Variants in ANXA7 observed in about 807,000 individuals in gnomAD.
The protein encoded by ANXA7 is annexin VII.
ANXA7 carries 55 observed loss-of-function variants against 64.9 expected under a neutral mutation model. The observed-to-expected ratio is 0.85, with a 90% CI of 0.68 to 1.06. The LOEUF (loss-of-function observed/expected upper bound fraction) is 1.06, where lower values mean the gene tolerates loss of function less well. Among genes scored for constraint, ANXA7 ranks in the 50% least tolerant of loss-of-function variants. The probability of loss-of-function intolerance (pLI) is 0.00; values close to 1 mark genes in which losing one functional copy is unlikely to be tolerated. For missense variants in ANXA7, 548 were observed against 582.1 expected, an observed-to-expected ratio of 0.94 and a Z score of 0.60; for synonymous variants, 200 against 192.4, an observed-to-expected ratio of 1.04 and a Z score of -0.33.
chr10:73,377,773 G>GGTGTGTGT lies in ANXA7; in HGVS notation c.1278+1130_1278+1137dup, dbSNP rs368036663. On this transcript the variant is annotated intron_variant, in intron 12 of 12. Coordinates refer to ENST00000372921, the MANE Select transcript of ANXA7 (RefSeq NM_001156.5). ...ACTACCATGCCGGGGGGTGGGTGTG[G>GGTGTGTGT]GTGTGTGTGTGTGTGTGTGTGTGTG... is the stretch of plus-strand genomic sequence containing the variant. Among the ~76,000 whole-genome samples the GGTGTGTGT allele has an allele frequency of 2.2e-3, 273 of 124,848 alleles. 3 individuals are homozygous for GGTGTGTGT. Among genetic ancestry groups the GGTGTGTGT allele is most frequent in the African/African-American group, 8.3e-3 (259 of 31,120 alleles). The allele number at this position is 124,848 out of a possible 152,430, so 81.9% of individuals were successfully genotyped here.
chr10:73,376,550 T>C (rs1026009598), intron 12 of ANXA7, among the ~76,000 whole-genome samples: 5 of 152,320 alleles, frequency 3.3e-5, no homozygotes, highest in Non-Finnish European at 7.3e-5. Context: ...GGAACACTTG[T>C]ACACAGGTTG....
intron 9 of ANXA7, among the ~76,000 whole-genome samples, chr10:73,380,583 A>T (rs1020429895): frequency 3.3e-5 from 5 of 152,206 alleles, no homozygotes; most frequent in African/African-American, 1.2e-4. Flanking sequence ...CTAAAGAGAT[A>T]ATTTATTAAA....
intron 7 of ANXA7, 119 bp from the exon 8 acceptor site, chr10:73,383,809 C>T: frequency 1.4e-6 from 1 of 715,710 alleles, no homozygotes; most frequent in Admixed American, 2.5e-5. Flanking sequence ...AATTTGAAAG[C>T]TGAATGTTAA....
At chr10:73,413,838 C>T (rs1411431583) in intron 1 of ANXA7, among the ~76,000 whole-genome samples, 174 bp downstream of exon 1, 1 of 152,212 alleles carries the variant, frequency 6.6e-6, no homozygotes, top group Non-Finnish European at 1.5e-5. Context: ...CCCAACACAC[C>T]CCGGCCGGCA....
intron 9 of ANXA7, among the ~76,000 whole-genome samples, chr10:73,380,545 A>T (rs1396955423): frequency 1.3e-5 from 2 of 152,092 alleles, no homozygotes; most frequent in African/African-American, 4.8e-5. Flanking sequence ...AAGTGCTGGG[A>T]TTATAGATGT....
At chr10:73,377,295 T>C (rs1187988865) in intron 12 of ANXA7, 5 of 151,880 alleles carry the variant, frequency 3.3e-5, no homozygotes, top group Admixed American at 6.6e-5. Flanking sequence ...TTTGGCCGGG[T>C]GTGGTGGCTC....
chr10:73,394,095 C>A (rs963366608), intron 5 of ANXA7, among the ~76,000 whole-genome samples: 8 of 152,028 alleles, frequency 5.3e-5, no homozygotes, highest in African/African-American at 1.7e-4. Flanking sequence ...ATGCAGCCAA[C>A]AGACACATGA....
chr10:73,402,176 T>C (rs144457777), intron 1 of ANXA7, among the ~76,000 whole-genome samples: 1 of 152,116 alleles, frequency 6.6e-6, no homozygotes, highest in African/African-American at 2.4e-5. Flanking sequence ...GATTAAACCC[T>C]AGCTTTCTTT....
Position 73,397,279 on chromosome 10 carries a change from A to G in ANXA7, c.260-5T>C. 6.3e-7 allele frequency: 1 copy of G among 1,584,954 alleles called. No individual in the cohort carries two copies. Among genetic ancestry groups the G allele is most frequent in the South Asian group, 1.1e-5 (1 of 89,494 alleles). Reference sequence around the variant, plus strand: ...CAAATCCTTGGCCTGGAGGAACTAGAGAAAAGAACATGTCAATAAACTATA... The same window carrying G: ...CAAATCCTTGGCCTGGAGGAACTAGGGAAAAGAACATGTCAATAAACTATA... On this transcript the variant is annotated splice_region_variant and splice_polypyrimidine_tract_variant and intron_variant, in intron 3 of 12. Transcript: ENST00000372921.
chr10:73,407,809 T>G (rs768956389), intron 1 of ANXA7, among the ~76,000 whole-genome samples: 1 of 152,144 alleles, frequency 6.6e-6, no homozygotes, highest in African/African-American at 2.4e-5. Context: ...GCTAAAAATG[T>G]GCTGAATTGA....
At chr10:73,392,826 A>G (rs562232337) in intron 5 of ANXA7, among the ~76,000 whole-genome samples, 1 of 152,300 alleles carries the variant, frequency 6.6e-6, no homozygotes, top group African/African-American at 2.4e-5. Flanking sequence ...ACTCCTATTC[A>G]ACATAGTGTT....
rs564652420 is a variant in ANXA7, at chr10:73,398,060, T to C, written c.259+121A>G. On this transcript the variant is annotated intron_variant, in intron 3 of 12. Transcript: ENST00000372921. ...TCTTGCCAGCTAGGTCCTTACTACC[T>C]AAGGTTACCTAAGAGCGACTTGACC... is the stretch of plus-strand genomic sequence containing the variant. The C allele has an allele frequency of 1.3e-5, 13 of 985,124 alleles. No homozygotes were observed. In the South Asian group the frequency reaches 2.3e-4, roughly 17 times the overall value. The allele number at this position is 985,124 out of a possible 1,614,324, so 61.0% of individuals were successfully genotyped here. A position where few individuals can be genotyped will look rare whatever the true frequency, so the allele number is the denominator to read the frequency against.
intron 1 of ANXA7, among the ~76,000 whole-genome samples, chr10:73,401,169 G>T (rs1229054154): frequency 6.6e-6 from 1 of 152,094 alleles, no homozygotes; most frequent in East Asian, 1.9e-4. Flanking sequence ...CTCCCAAAGT[G>T]CTGGGATTAC....
In ANXA7 at chr10:73,380,046, C is replaced by T; in HGVS notation, c.1074G>A (p.Met358Ile). 6.2e-7 allele frequency: 1 copy of T among 1,614,014 alleles called. No homozygotes were observed. The highest frequency in any genetic ancestry group is 8.5e-7 in the Non-Finnish European group (1 of 1,179,992). Residue 358 changes from methionine (M) to isoleucine (I), a missense_variant, in exon 10 of 13, where the codon ATG becomes ATA. Transcript: ENST00000372921. ...TRSFPQLRATMEAYSRMANRD... is the reference protein window; with the variant it reads ...TRSFPQLRATIEAYSRMANRD... ...AAGCTCATACCCTAGAATAAGCCTC[C>T]ATGGTAGCTCTCAGCTGAGGAAAGC...
intron 1 of ANXA7, among the ~76,000 whole-genome samples, chr10:73,402,567 T>G (rs2055683919): frequency 6.6e-6 from 1 of 152,220 alleles, no homozygotes; most frequent in Non-Finnish European, 1.5e-5. Context: ...TAGGTCCATT[T>G]GTTTCATTTT....
chr10:73,395,680 G>C (rs1245497341), intron 5 of ANXA7, among the ~76,000 whole-genome samples: 1 of 152,022 alleles, frequency 6.6e-6, no homozygotes, highest in Non-Finnish European at 1.5e-5. Flanking sequence ...CAGTTACTCC[G>C]GAGGCTGAGG....
chr10:73,393,676 A>T (rs977540454), intron 5 of ANXA7, among the ~76,000 whole-genome samples: 4 of 152,206 alleles, frequency 2.6e-5, no homozygotes, highest in African/African-American at 9.6e-5. Context: ...CTGAAACTGG[A>T]TCCCTTCCTT....
chr10:73,396,657 T>C (rs2055581210), intron 4 of ANXA7, 74 bp from the exon 5 acceptor site: 1 of 837,140 alleles, frequency 1.2e-6, no homozygotes, highest in Admixed American at 2.5e-5. Flanking sequence ...ACAGCATTGA[T>C]GACTATGAAT....
In ANXA7 at chr10:73,388,230, G is replaced by C. The variant is rs2055409886; in HGVS notation, c.538+82C>G. ...CGCACCCAGGCTGACACATAAACTT[G>C]GGTTTATGAGATAAGGTTTATTTTT... On this transcript the variant is annotated intron_variant, in intron 6 of 12. Transcript: ENST00000372921. 30 of 981,994 alleles carry C rather than the reference G, an allele frequency of 3.1e-5. No individual in the cohort carries two copies. In the South Asian group the frequency reaches 4.1e-4, roughly 13 times the overall value. The allele number at this position is 981,994 out of a possible 1,614,324, so 60.8% of individuals were successfully genotyped here. A position where few individuals can be genotyped will look rare whatever the true frequency, so the allele number is the denominator to read the frequency against.
Sources: gnomAD v4.1 joint callset for allele counts (sites outside exome capture counted in the v4.1 genomes callset) on GRCh38, gnomAD v4.1.1 for gene constraint, MANE v1.5 for transcripts, NCBI Gene and HGNC (gene_info 2026-07-23, HGNC 2026-07-21) for gene names.